Variants in PCNX1 observed in about 807,000 individuals in gnomAD.
PCNX1 encodes pecanex-like protein 1.
In PCNX1, 78 loss-of-function variants were observed where a neutral mutation model predicts 242.2. That is an observed-to-expected ratio of 0.32 (90% CI 0.27 to 0.39). The LOEUF (loss-of-function observed/expected upper bound fraction) is 0.39, where lower values mean the gene tolerates loss of function less well. Ranked by LOEUF, PCNX1 falls within the 10% of genes least tolerant of loss-of-function variation. PCNX1 has a pLI of 1.00. For synonymous variants in PCNX1, 1,024 were observed against 1,032.9 expected (o/e 0.99, Z 0.17); for missense variants, 2,581 against 2,856.5 (o/e 0.90, Z 2.20).
At position 71,102,046 on chromosome 14, in the gene PCNX1, A is replaced by G. The variant is rs1398300160; in HGVS notation, c.5646A>G (p.Ile1882Met). 2 of 1,613,684 alleles carry G rather than the reference A, an allele frequency of 1.2e-6. No homozygotes were observed. The highest frequency in any genetic ancestry group is 2.2e-5 in the East Asian group (1 of 44,890). The change falls in exon 31 of 36, where the codon ATA becomes ATG. Residue 1882 changes from isoleucine to methionine, a missense_variant. Coordinates refer to ENST00000304743, the MANE Select transcript of PCNX1 (RefSeq NM_014982.3). ...YDDPTVLYEAIVSHEKNLVIA... is the reference protein window; with the variant it reads ...YDDPTVLYEAMVSHEKNLVIA... ...ACCCTACTGTGCTCTATGAAGCCAT[A>G]GTATCTCATGAGAAGAACCTCGTAA...
intron 9 of PCNX1, 38 bp from the exon 10 acceptor site, chr14:71,011,454 G>A: frequency 8.7e-7 from 1 of 1,153,574 alleles, no homozygotes; most frequent in African/African-American, 1.5e-5. Flanking sequence ...TTTTCTTTCT[G>A]CTTGACAAAC....
Position 70,969,024 on chromosome 14 carries a change from A to G in PCNX1, c.518A>G (p.Asp173Gly), listed in dbSNP as rs776299158. Residue 173 changes from aspartate (D) to glycine (G), a missense_variant, in exon 5 of 36, where the codon GAT (aspartate) becomes GGT (glycine). Coordinates refer to ENST00000304743, the MANE Select transcript of PCNX1 (RefSeq NM_014982.3). ...CATGTTTCTCTTAACTTTGTAGGAG[A>G]TACAGACACTGCTAAGACTTCTGAT... The part of the protein sequence containing the change: ...RLGTAATIKG[D>G]TDTAKTSDDI... 18 of 1,589,820 alleles carry G rather than the reference A, an allele frequency of 1.1e-5. No individual in the cohort carries two copies. Among genetic ancestry groups the G allele is most frequent in the Non-Finnish European group, 1.5e-5 (17 of 1,158,172 alleles).
At chr14:70,973,009 C>T (rs1387152970) in intron 5 of PCNX1, among the ~76,000 whole-genome samples, 1 of 151,984 alleles carries the variant, frequency 6.6e-6, no homozygotes, top group African/African-American at 2.4e-5. Context: ...CCCAGCACTT[C>T]GAGAGGCCAA....
intron 2 of PCNX1, among the ~76,000 whole-genome samples, chr14:70,948,026 T>C (rs551789289): frequency 4.6e-5 from 7 of 152,264 alleles, no homozygotes; most frequent in Admixed American, 3.3e-4. Flanking sequence ...CCTGGCGAAA[T>C]TGTAGGCAGA....
intron 1 of PCNX1, among the ~76,000 whole-genome samples, chr14:70,931,549 T>G (rs1281830367): frequency 6.6e-6 from 1 of 152,228 alleles, no homozygotes; most frequent in African/African-American, 2.4e-5. Flanking sequence ...TTGTGTGTTT[T>G]CCCCATGTCT....
intron 6 of PCNX1, among the ~76,000 whole-genome samples, chr14:70,986,239 A>G (rs1327347570): frequency 2.0e-5 from 3 of 152,240 alleles, no homozygotes; most frequent in African/African-American, 7.2e-5. Flanking sequence ...GCCATAGTCA[A>G]CATTTTGAAA....
Position 70,949,146 on chromosome 14 carries a change from A to ATGTGTATATATGTACATATACACATATG in PCNX1, c.362+2024_362+2025insGTGTATATATGTACATATACACATATGT, listed in dbSNP as rs1566607699. ...TATATATGTACATATACACATATGT[A>ATGTGTATATATGTACATATACACATATG]TATGTGTATATATACTTATAAATGC... On this transcript the variant is annotated intron_variant, in intron 2 of 35. Coordinates refer to ENST00000304743, the MANE Select transcript of PCNX1 (RefSeq NM_014982.3). Among the ~76,000 whole-genome samples the ATGTGTATATATGTACATATACACATATG allele has an allele frequency of 3.8e-3, 183 of 48,330 alleles. 3 individuals are homozygous for ATGTGTATATATGTACATATACACATATG. The highest frequency in any genetic ancestry group is 0.01 in the Non-Finnish European group (143 of 13,764). The allele number at this position is 48,330 out of a possible 152,430, so 31.7% of individuals were successfully genotyped here.
At chr14:70,967,622 T>A (rs1308742613) in intron 3 of PCNX1, among the ~76,000 whole-genome samples, 2 of 152,226 alleles carry the variant, frequency 1.3e-5, no homozygotes, top group Non-Finnish European at 2.9e-5. Context: ...AAAAATTCAT[T>A]TTTCATGGAT....
At chr14:71,065,189 G>A (rs1055376750) in intron 26 of PCNX1, among the ~76,000 whole-genome samples, 20 of 152,236 alleles carry the variant, frequency 1.3e-4, no homozygotes, top group South Asian at 6.2e-4. Flanking sequence ...TTGAGGAATC[G>A]CCACATTGTC....
rs145547546 is a variant in PCNX1 at position 70,977,189 on chromosome 14, A to G, written c.852A>G (p.Pro284=). 5.5e-4 allele frequency: 883 copies of G among 1,614,210 alleles called. 6 individuals carry two copies. The African/African-American group carries it at 0.011, about 20-fold the overall frequency. The part of the protein sequence containing the change: ...YRKDHRPRGV[P]RTSSSAVAFP... The stretch of plus-strand genomic sequence containing the variant: ...AAGACCACCGGCCGCGAGGTGTACC[A>G]CGGACTTCTAGCTCTGCTGTGGCTT... The change falls in exon 6 of 36, where the codon CCA becomes CCG. Residue 284 remains proline, a synonymous_variant. Coordinates refer to ENST00000304743, the MANE Select transcript of PCNX1 (RefSeq NM_014982.3).
At position 71,033,511 on chromosome 14, in the gene PCNX1, G is replaced by T. The variant is rs201430424; in HGVS notation, c.3641G>T (p.Arg1214Leu). Residue 1214 changes from arginine (R) to leucine (L), a missense_variant, in exon 17 of 36, where the codon CGA becomes CTA. By Grantham distance (102) the Arg-to-Leu change is moderately radical (BLOSUM62 -2). Transcript: ENST00000304743. ...LLVAVSYHLS[R>L]QSSDPSVLFS... The stretch of plus-strand genomic sequence containing the variant: ...GTGGCAGTGTCTTACCATCTCAGCC[G>T]ACAAAGCAGTGATCCATCTGTACTT... 3 of 1,593,294 alleles carry T rather than the reference G, an allele frequency of 1.9e-6. No individual in the cohort carries two copies. The highest frequency in any genetic ancestry group is 2.2e-5 in the South Asian group (2 of 90,502).
At chr14:71,096,179 G>A (rs1438526627) in intron 30 of PCNX1, among the ~76,000 whole-genome samples, 1 of 152,134 alleles carries the variant, frequency 6.6e-6, no homozygotes, top group Non-Finnish European at 1.5e-5. Context: ...TTAGCTGGAC[G>A]TGGCAGTGTG....
At position 71,103,936 on chromosome 14, in the gene PCNX1, T is replaced by G. The variant is rs77168716; in HGVS notation, c.6095+267T>G. Among the ~76,000 whole-genome samples the G allele has an allele frequency of 8.6e-3, 1,304 of 152,364 alleles. 12 individuals carry two copies. Among genetic ancestry groups the G allele is most frequent in the African/African-American group, 0.03 (1,229 of 41,582 alleles). ...ATTCCCTTTATTTGTTTAATTTTTT[T>G]AACTTTCTGTTGTATATTACCACTA... is the stretch of plus-strand genomic sequence containing the variant. On this transcript the variant is annotated intron_variant, in intron 32 of 35. Transcript: ENST00000304743.
intron 11 of PCNX1, among the ~76,000 whole-genome samples, chr14:71,014,643 G>A (rs999227345): frequency 9.9e-5 from 15 of 152,072 alleles, no homozygotes; most frequent in African/African-American, 3.6e-4. Flanking sequence ...AAAGATTATT[G>A]AACTCACTCG....
At chr14:70,966,231 C>T (rs919343788) in intron 3 of PCNX1, among the ~76,000 whole-genome samples, 1 of 152,118 alleles carries the variant, frequency 6.6e-6, no homozygotes, top group African/African-American at 2.4e-5. Context: ...CTCTATTATA[C>T]CTGTTAAGAA....
In PCNX1 at chr14:71,043,128, G is replaced by A. The variant is rs181269267; in HGVS notation, c.3868-2005G>A. On this transcript the variant is annotated intron_variant, in intron 19 of 35. Coordinates refer to ENST00000304743, the MANE Select transcript of PCNX1 (RefSeq NM_014982.3). ...AGCACTTCGAATGTGTCACCTCAGT[G>A]TCTTCTGGCTTGTGAGGTTTCTACT... 1.3e-3 allele frequency among the ~76,000 whole-genome samples: 193 copies of A among 152,234 alleles called. 1 individual carries two copies. The highest frequency in any genetic ancestry group is 4.5e-3 in the African/African-American group (189 of 41,542).
intron 2 of PCNX1, among the ~76,000 whole-genome samples, chr14:70,950,573 C>A (rs1337613040): frequency 6.6e-6 from 1 of 152,066 alleles, no homozygotes; most frequent in Non-Finnish European, 1.5e-5. Flanking sequence ...CAAGATTTTA[C>A]CATTTAATGA....
At chr14:70,949,283 A>G (rs1277212665) in intron 2 of PCNX1, among the ~76,000 whole-genome samples, 2 of 28,508 alleles carry the variant, frequency 7.0e-5, no homozygotes, top group Admixed American at 2.1e-4. Context: ...ACACGTGTAT[A>G]CACACACGTG....
intron 26 of PCNX1, among the ~76,000 whole-genome samples, chr14:71,071,496 G>A (rs1209140524): frequency 6.6e-6 from 1 of 152,126 alleles, no homozygotes; most frequent in African/African-American, 2.4e-5. Flanking sequence ...TCCCCTTGCT[G>A]TTCTCATGAT....
Sources: allele counts gnomAD v4.1 joint callset (sites outside exome capture counted in the v4.1 genomes callset), GRCh38; gene constraint gnomAD v4.1.1; transcripts MANE v1.5; gene names NCBI Gene and HGNC (gene_info 2026-07-23, HGNC 2026-07-21).